Variants in CCDC141 observed in about 807,000 individuals in gnomAD.
The protein encoded by CCDC141 is coiled-coil domain containing 141.
A neutral mutation model predicts 181.0 loss-of-function variants in CCDC141; 168 were observed. The ratio of observed to expected loss-of-function variants is 0.93; its 90% CI spans 0.82 to 1.05. The LOEUF (loss-of-function observed/expected upper bound fraction) is 1.05, where lower values mean the gene tolerates loss of function less well. CCDC141 is among the 50% of genes least tolerant of loss of function. CCDC141 has a pLI of 0.00. For missense variants in CCDC141, 1,902 were observed against 1,788.5 expected (o/e 1.06, Z -1.14); for synonymous variants, 666 against 642.3 (o/e 1.04, Z -0.56).
intron 3 of CCDC141, among the ~76,000 whole-genome samples, chr2:178,976,842 G>A (rs542336879): frequency 1.3e-5 from 2 of 152,070 alleles, no homozygotes; most frequent in African/African-American, 4.8e-5. Flanking sequence ...TTTGTTACCT[G>A]CAGAACATTA....
intron 2 of CCDC141, among the ~76,000 whole-genome samples, chr2:178,980,719 A>G (rs973824849): frequency 2.0e-5 from 3 of 152,242 alleles, no homozygotes; most frequent in African/African-American, 7.2e-5. Flanking sequence ...GTGCATTAAA[A>G]GTAAATAAAT....
chr2:179,040,517 G>A (rs1183692266), intron 2 of CCDC141, among the ~76,000 whole-genome samples: 3 of 152,140 alleles, frequency 2.0e-5, no homozygotes, highest in Admixed American at 1.3e-4. Context: ...TATTCTTCCT[G>A]ATGCTCTCCC....
intron 2 of CCDC141, among the ~76,000 whole-genome samples, chr2:179,035,451 C>A (rs865791115): frequency 1.3e-5 from 2 of 152,098 alleles, no homozygotes; most frequent in African/African-American, 4.8e-5. Flanking sequence ...TAACACACCA[C>A]CCCAAATTCT....
intron 2 of CCDC141, among the ~76,000 whole-genome samples, chr2:179,039,137 T>C (rs1559065421): frequency 6.6e-6 from 1 of 152,174 alleles, no homozygotes; most frequent in African/African-American, 2.4e-5. Flanking sequence ...GTTAAAGTTT[T>C]TTCCACTTGA....
At chr2:179,002,468 C>T in intron 2 of CCDC141, 1 of 407,932 alleles carries the variant, frequency 2.5e-6, no homozygotes, top group Non-Finnish European at 4.9e-6. Flanking sequence ...AAAGAGCTAG[C>T]AGAATCCACA....
In CCDC141 at chr2:178,834,400, G is replaced by C. The variant is rs1190888257; in HGVS notation, c.4366C>G (p.Gln1456Glu). ...GQKLSADGHL[Q>E]VLHKETRHSV... ...TGCCTTGTCTCCTTGTGTAAAACCTGTAAGTGCCCATCTGCAGACAATTTC... is the reference window on the plus strand; with the variant it reads ...TGCCTTGTCTCCTTGTGTAAAACCTCTAAGTGCCCATCTGCAGACAATTTC... The change falls in exon 24 of 24, where the codon CAG (glutamine) becomes GAG (glutamate). Residue 1456 changes from glutamine (Q) to glutamate (E), a missense_variant. Gln to Glu is a conservative substitution (Grantham distance 29). Transcript: ENST00000443758. The C allele has an allele frequency of 1.3e-6, 2 of 1,536,288 alleles. No homozygotes were observed. Among genetic ancestry groups the C allele is most frequent in the Non-Finnish European group, 1.7e-6 (2 of 1,146,908 alleles).
intron 6 of CCDC141, among the ~76,000 whole-genome samples, chr2:178,933,816 G>A (rs1689185615): frequency 6.6e-6 from 1 of 152,166 alleles, no homozygotes; most frequent in African/African-American, 2.4e-5. Flanking sequence ...GTAAGAGGAG[G>A]GGTAGGTCAT....
chr2:178,874,593 C>T (rs1686273661), intron 12 of CCDC141: 1 of 152,160 alleles, frequency 6.6e-6, no homozygotes, highest in South Asian at 2.1e-4. Flanking sequence ...AGTGCTTTTG[C>T]TTAGAATACC....
chr2:179,033,861 T>C (rs114069177), intron 2 of CCDC141, among the ~76,000 whole-genome samples: 2,012 of 152,264 alleles, frequency 0.013, 21 homozygotes, highest in Non-Finnish European at 0.022. Flanking sequence ...TAGTGACAAA[T>C]AACATAAAGC....
Position 178,868,203 on chromosome 2 carries a change from C to T in CCDC141, c.2397G>A (p.Leu799=). 1.2e-6 allele frequency: 2 copies of T among 1,605,680 alleles called. No individual in the cohort carries two copies. The highest frequency in any genetic ancestry group is 1.7e-6 in the Non-Finnish European group (2 of 1,172,984). ...GCTCTCTTGATTTGATGAGACGTCC[C>T]AGCTACAATTTAGGGCATTAACAAT... ...VVQFHQVKEE[L]GRLIKSRELE... The change falls in exon 16 of 24, where the codon CTG becomes CTA. Residue 799 remains leucine, a splice_region_variant and synonymous_variant. Coordinates refer to ENST00000443758, the MANE Select transcript of CCDC141 (RefSeq NM_173648.4).
chr2:179,047,496 C>A, intron 1 of CCDC141, 90 bp from the exon 2 acceptor site: 1 of 1,131,078 alleles, frequency 8.8e-7, no homozygotes, highest in Non-Finnish European at 1.2e-6. Context: ...GTTTAAATTT[C>A]CAGTTATACT....
In CCDC141 at chr2:178,964,848, G is replaced by A. The variant is rs920726103; in HGVS notation, c.527-3365C>T. Among the ~76,000 whole-genome samples, 3 of 152,056 alleles carry A rather than the reference G, an allele frequency of 2.0e-5. No homozygotes were observed. The East Asian group carries it at 5.8e-4, about 29-fold the overall frequency. On this transcript the variant is annotated intron_variant, in intron 4 of 23. Transcript: ENST00000443758. ...TTAAAGACTGTATATCAGCACATAC[G>A]AAATCCTACTTACTGACACAATACC... is the stretch of plus-strand genomic sequence containing the variant.
chr2:178,817,893 C>T, the CCDC141 span, among the ~76,000 whole-genome samples: 2 of 135,990 alleles, frequency 1.5e-5, no homozygotes, highest in African/African-American at 5.5e-5. Flanking sequence ...ACCTGTTCCT[C>T]CCAGATTCAA....
rs1033947141 is a variant in CCDC141 at position 178,830,115 on chromosome 2, G to A, written c.*4058C>T. The A allele has an allele frequency of 1.3e-5, 2 of 152,126 alleles. No individual in the cohort carries two copies. The highest frequency in any genetic ancestry group is 2.9e-5 in the Non-Finnish European group (2 of 68,022). The allele number at this position is 152,126 out of a possible 1,614,324, so 9.4% of individuals were successfully genotyped here. A position where few individuals can be genotyped will look rare whatever the true frequency, so the allele number is the denominator to read the frequency against. On this transcript the variant is annotated 3_prime_UTR_variant, in exon 24 of 24. Coordinates refer to ENST00000443758, the MANE Select transcript of CCDC141 (RefSeq NM_173648.4). ...ACATAAATTCTGGTTTTGACAGTTT[G>A]GATTTAGTCATAGAGAGTGGAGGCA...
At chr2:179,038,404 G>C (rs558810177) in intron 2 of CCDC141, among the ~76,000 whole-genome samples, 2 of 152,228 alleles carry the variant, frequency 1.3e-5, no homozygotes, top group African/African-American at 4.8e-5. Flanking sequence ...GTTTCTGTTT[G>C]GGGTGATGAG....
intron 19 of CCDC141, 33 bp from the exon 20 acceptor site, chr2:178,853,657 G>C (rs940243538): frequency 6.4e-7 from 1 of 1,560,998 alleles, no homozygotes; most frequent in African/African-American, 1.4e-5. Context: ...ACAGATGAAA[G>C]AAATACCATC....
chr2:178,930,043 T>C (rs1689041942), intron 6 of CCDC141, among the ~76,000 whole-genome samples: 1 of 151,956 alleles, frequency 6.6e-6, no homozygotes, highest in Non-Finnish European at 1.5e-5. Flanking sequence ...GATGATATGA[T>C]CGTACATGCA....
intron 5 of CCDC141, 100 bp downstream of exon 5, chr2:178,961,130 T>C: frequency 7.6e-7 from 1 of 1,321,432 alleles, no homozygotes; most frequent in East Asian, 2.5e-5. Context: ...GACCAAAAGA[T>C]TTGACCATGA....
At chr2:179,021,521 A>G (rs1332812627) in intron 2 of CCDC141, among the ~76,000 whole-genome samples, 1 of 152,220 alleles carries the variant, frequency 6.6e-6, no homozygotes, top group Admixed American at 6.5e-5. Flanking sequence ...GCTAGACCAC[A>G]GCCCTCAGTG....
Sources: gnomAD v4.1 joint callset for allele counts (sites outside exome capture counted in the v4.1 genomes callset) on GRCh38, gnomAD v4.1.1 for gene constraint, MANE v1.5 for transcripts, NCBI Gene and HGNC (gene_info 2026-07-23, HGNC 2026-07-21) for gene names.